The following ARSG variants were observed in gnomAD, a reference collection of about 807,000 sequenced individuals.
ARSG encodes the protein ASG.
ARSG carries 37 observed loss-of-function variants against 50.5 expected under a neutral mutation model. The ratio of observed to expected loss-of-function variants is 0.73; its 90% CI spans 0.56 to 0.96. The LOEUF (loss-of-function observed/expected upper bound fraction) is 0.96. Among genes scored for constraint, ARSG ranks in the 50% least tolerant of loss-of-function variants. The pLI, the probability that ARSG is intolerant of heterozygous loss-of-function variation, is 0.00. For missense variants in ARSG, 629 were observed against 675.3 expected (o/e 0.93, Z 0.76); for synonymous variants, 225 against 254.6 (o/e 0.88, Z 1.11).
rs1398012285 is a variant in ARSG, at chr17:68,343,705, C to T, written c.320C>T (p.Ala107Val). The change falls in exon 3 of 12, where the codon GCA (alanine) becomes GTA (valine). Residue 107 changes from alanine (A) to valine (V), a missense_variant. Ala to Val is a moderately conservative substitution (Grantham distance 64). Transcript: ENST00000621439. ...CGCAATGGAGTCACACGCAACTTTG[C>T]AGTCACTTCTGTGGGAGGCCTTCCG... ...GLRNGVTRNFAVTSVGGLPLN... is the reference protein window; with the variant it reads ...GLRNGVTRNFVVTSVGGLPLN... 4 of 1,614,212 alleles carry T rather than the reference C, an allele frequency of 2.5e-6. No homozygotes were observed. The highest frequency in any genetic ancestry group is 2.5e-6 in the Non-Finnish European group (3 of 1,180,032).
the ARSG span, among the ~76,000 whole-genome samples, chr17:68,448,973 C>T: frequency 6.6e-5 from 10 of 152,268 alleles, no homozygotes; most frequent in South Asian, 2.1e-4. Flanking sequence ...TATTTTTCAC[C>T]GCACTGCTTT....
At chr17:68,412,618 G>A (rs1485227258) in intron 11 of ARSG, among the ~76,000 whole-genome samples, 1 of 152,136 alleles carries the variant, frequency 6.6e-6, no homozygotes, top group African/African-American at 2.4e-5. Flanking sequence ...CTCTTCTTGA[G>A]GAATATCTTT....
intron 2 of ARSG, among the ~76,000 whole-genome samples, chr17:68,320,484 C>T (rs1306740240): frequency 3.3e-5 from 5 of 152,096 alleles, no homozygotes; most frequent in African/African-American, 9.7e-5. Flanking sequence ...TAGGATCTCC[C>T]TCGGGGCACT....
At chr17:68,426,253 G>GGGGGGGGT, downstream of ARSG, 2 of 841,014 alleles carry the variant, frequency 2.4e-6, no homozygotes, top group Non-Finnish European at 1.9e-6. Flanking sequence ...GGGGAGCGGG[G>GGGGGGGGT]GCTCAAATAA....
At chr17:68,316,987 A>G (rs994818550) in intron 2 of ARSG, among the ~76,000 whole-genome samples, 17 of 152,218 alleles carry the variant, frequency 1.1e-4, no homozygotes, top group African/African-American at 4.1e-4. Context: ...GTCAACACCT[A>G]AAGGTCTCAG....
At chr17:68,373,071 T>G (rs1424592114) in intron 8 of ARSG, among the ~76,000 whole-genome samples, 1 of 150,794 alleles carries the variant, frequency 6.6e-6, no homozygotes, top group African/African-American at 2.4e-5. Flanking sequence ...TTTTGTTTGT[T>G]TTTTTTTGTT....
chr17:68,322,515 G>A (rs1555770902), intron 2 of ARSG, among the ~76,000 whole-genome samples: 1 of 152,160 alleles, frequency 6.6e-6, no homozygotes, highest in Non-Finnish European at 1.5e-5. Context: ...TACTCAGGAG[G>A]CTGAGGCAGG....
At chr17:68,421,055 C>G (rs1281278760), downstream of ARSG, 1 of 155,050 alleles carries the variant, frequency 6.4e-6, no homozygotes, top group Admixed American at 6.3e-5. Flanking sequence ...CGAGTAGATC[C>G]TGAAATCCTA....
intron 2 of ARSG, among the ~76,000 whole-genome samples, chr17:68,317,343 C>CGAGA (rs2077105506): frequency 6.6e-6 from 1 of 151,970 alleles, no homozygotes; most frequent in Non-Finnish European, 1.5e-5. Context: ...AAACTGAGGC[C>CGAGA]GAGAGAGACG....
intron 1 of ARSG, among the ~76,000 whole-genome samples, chr17:68,277,010 T>G (rs2145043841): frequency 6.6e-6 from 1 of 152,304 alleles, no homozygotes; most frequent in East Asian, 1.9e-4. Context: ...TCAGAAGGTC[T>G]CCTCAGAACA....
chr17:68,418,287 A>T (rs1188920017), intron 11 of ARSG, among the ~76,000 whole-genome samples: 2 of 152,228 alleles, frequency 1.3e-5, no homozygotes, highest in Non-Finnish European at 2.9e-5. Context: ...ACACTTTGTT[A>T]GGACGAGTCT....
the ARSG span, among the ~76,000 whole-genome samples, chr17:68,444,867 C>T: frequency 6.6e-6 from 1 of 151,470 alleles, no homozygotes; most frequent in African/African-American, 2.4e-5. Flanking sequence ...CCATTCCTCC[C>T]TCCCTCTCTT....
At chr17:68,259,342 C>T (rs1417450638) in exon 1 of ARSG, 1 of 152,326 alleles carries the variant, frequency 6.6e-6, no homozygotes, top group South Asian at 2.1e-4. Context: ...TGCTGCGTGC[C>T]GTGCAGGCCT....
At chr17:68,322,469 T>C (rs1159883322) in intron 2 of ARSG, among the ~76,000 whole-genome samples, 3 of 151,982 alleles carry the variant, frequency 2.0e-5, no homozygotes, top group Non-Finnish European at 4.4e-5. Flanking sequence ...ATACAAAAAT[T>C]AGCTGGGCAT....
chr17:68,340,603 C>T (rs948898033), intron 2 of ARSG, among the ~76,000 whole-genome samples: 1 of 152,088 alleles, frequency 6.6e-6, no homozygotes, highest in African/African-American at 2.4e-5. Flanking sequence ...TTTTTGATGC[C>T]CACATTGTCC....
chr17:68,299,606 GA>G (rs1440412892), intron 1 of ARSG, among the ~76,000 whole-genome samples: 3 of 152,030 alleles, frequency 2.0e-5, no homozygotes, highest in Non-Finnish European at 2.9e-5. Flanking sequence ...CAAAATTTGA[GA>G]AATGTTACAG....
chr17:68,305,413 C>T lies in ARSG; in HGVS notation c.-551-1530C>T, dbSNP rs1376705552. 4.6e-5 allele frequency among the ~76,000 whole-genome samples: 7 copies of T among 152,146 alleles called. No homozygotes were observed. The East Asian group carries it at 5.8e-4, about 13-fold the overall frequency. ...TGCTGCTTAAAGTGTGATCCAAAGACGAGCAGTACAGGCCTCACATGGGCT... is the reference window on the plus strand; with the variant it reads ...TGCTGCTTAAAGTGTGATCCAAAGATGAGCAGTACAGGCCTCACATGGGCT... On this transcript the variant is annotated intron_variant, in intron 1 of 11. Coordinates refer to ENST00000621439, the MANE Select transcript of ARSG (RefSeq NM_001267727.2).
At chr17:68,287,407 A>G (rs1380581458), upstream of ARSG, among the ~76,000 whole-genome samples, 2 of 150,206 alleles carry the variant, frequency 1.3e-5, no homozygotes, top group East Asian at 2.0e-4. Context: ...CGATCCTCCC[A>G]CCTCGGCCTC....
intron 1 of ARSG, among the ~76,000 whole-genome samples, chr17:68,277,219 C>T (rs1184775748): frequency 1.3e-5 from 2 of 151,960 alleles, no homozygotes; most frequent in Non-Finnish European, 2.9e-5. Flanking sequence ...GCAACCTCCA[C>T]CTCCCAGGTT....
Sources: gnomAD v4.1 joint callset for allele counts (sites outside exome capture counted in the v4.1 genomes callset) on GRCh38, gnomAD v4.1.1 for gene constraint, MANE v1.5 for transcripts, NCBI Gene and HGNC (gene_info 2026-07-23, HGNC 2026-07-21) for gene names.